UGT1A8: variants seen among roughly 807,000 people sequenced by gnomAD.
UGT1A8 encodes UDP-glucuronosyltransferase 1A8.
Under a neutral mutation model 45.3 loss-of-function variants are expected in UGT1A8, and 39 were observed. That is an observed-to-expected ratio of 0.86 (90% CI 0.67 to 1.12). The LOEUF (loss-of-function observed/expected upper bound fraction) is 1.12. UGT1A8 is among the 50% of genes most tolerant of loss of function. The probability of loss-of-function intolerance (pLI) is 0.00; values close to 1 mark genes in which losing one functional copy is unlikely to be tolerated. For synonymous variants in UGT1A8, 275 were observed against 249.2 expected (o/e 1.10, Z -0.97); for missense variants, 719 against 664.9 (o/e 1.08, Z -0.90).
intron 1 of UGT1A8, among the ~76,000 whole-genome samples, chr2:233,625,588 A>G (rs1037539598): frequency 3.3e-5 from 5 of 151,896 alleles, no homozygotes; most frequent in African/African-American, 1.2e-4. Flanking sequence ...TGGTACATAT[A>G]CACCATGGAA....
chr2:233,707,323 G>A (rs1469096333), intron 1 of UGT1A8, among the ~76,000 whole-genome samples: 1 of 152,126 alleles, frequency 6.6e-6, no homozygotes, highest in African/African-American at 2.4e-5. Flanking sequence ...AGCTAAACAT[G>A]TGCCATGGTG....
intron 1 of UGT1A8, among the ~76,000 whole-genome samples, chr2:233,667,517 C>T (rs2125496234): frequency 6.6e-6 from 1 of 152,262 alleles, no homozygotes; most frequent in East Asian, 1.9e-4. Flanking sequence ...GCAACAAAAG[C>T]CAAAATTGAC....
At chr2:233,720,463 G>A (rs2076862046) in intron 1 of UGT1A8, among the ~76,000 whole-genome samples, 1 of 152,124 alleles carries the variant, frequency 6.6e-6, no homozygotes, top group African/African-American at 2.4e-5. Flanking sequence ...GCTGGGACCA[G>A]TGATGAATGG....
chr2:233,729,125 A>G lies in UGT1A8; in HGVS notation c.856-37909A>G, dbSNP rs760047362. On this transcript the variant is annotated intron_variant, in intron 1 of 4. Transcript: ENST00000373450. ...AGTCAGCTGTCCGTGTCTTCTGCTG[A>G]GATGGCCACAGGACTCCAGGTTCCC... 5 of 1,613,014 alleles carry G rather than the reference A, an allele frequency of 3.1e-6. No individual in the cohort carries two copies. The African/African-American group carries it at 6.7e-5, about 22-fold the overall frequency.
At chr2:233,631,561 T>C (rs968950052) in intron 1 of UGT1A8, among the ~76,000 whole-genome samples, 1 of 152,198 alleles carries the variant, frequency 6.6e-6, no homozygotes, top group Admixed American at 6.5e-5. Flanking sequence ...CTCATTGTGG[T>C]TTTGATTTGC....
intron 1 of UGT1A8, chr2:233,713,866 T>C (rs1467749451): frequency 2.5e-6 from 4 of 1,613,892 alleles, no homozygotes; most frequent in Non-Finnish European, 3.4e-6. Flanking sequence ...CAGGTCTGTA[T>C]TGGTGCCTTT....
At chr2:233,755,155 T>C (rs921927491) in intron 1 of UGT1A8, 4 of 1,293,388 alleles carry the variant, frequency 3.1e-6, no homozygotes, top group Middle Eastern at 2.2e-4. Flanking sequence ...GCTTCCTCCC[T>C]GTCCTCGGGG....
At chr2:233,724,300 C>T (rs1204740758) in intron 1 of UGT1A8, among the ~76,000 whole-genome samples, 3 of 143,888 alleles carry the variant, frequency 2.1e-5, no homozygotes, top group African/African-American at 5.1e-5. Flanking sequence ...GACCCCCCCA[C>T]CTCCCTCCCG....
chr2:233,740,221 TC>T (rs1691341111), intron 1 of UGT1A8, among the ~76,000 whole-genome samples: 1 of 151,864 alleles, frequency 6.6e-6, no homozygotes, highest in Non-Finnish European at 1.5e-5. Flanking sequence ...CTCAGCTGCG[TC>T]TTTATAGCAG....
At chr2:233,732,949 A>G (rs1182362779) in intron 1 of UGT1A8, among the ~76,000 whole-genome samples, 5 of 152,116 alleles carry the variant, frequency 3.3e-5, no homozygotes, top group African/African-American at 1.2e-4. Flanking sequence ...TGAGCATGGA[A>G]TGTTCTTCCA....
intron 1 of UGT1A8, among the ~76,000 whole-genome samples, chr2:233,706,536 GC>G: frequency 6.6e-6 from 1 of 152,322 alleles, no homozygotes; most frequent in African/African-American, 2.4e-5. Context: ...TAGAAACACA[GC>G]TTTTTTTCTA....
intron 1 of UGT1A8, chr2:233,636,575 T>G (rs1234228886): frequency 6.2e-7 from 1 of 1,614,096 alleles, no homozygotes; most frequent in Non-Finnish European, 8.5e-7. Context: ...TGTCTACTGC[T>G]GACCTGTGGC....
intron 1 of UGT1A8, among the ~76,000 whole-genome samples, chr2:233,726,758 C>T (rs2125721651): frequency 6.6e-6 from 1 of 152,360 alleles, no homozygotes; most frequent in East Asian, 1.9e-4. Context: ...CTGCCTACCA[C>T]AGACACTAAG....
At chr2:233,704,946 G>C (rs141742828) in intron 1 of UGT1A8, among the ~76,000 whole-genome samples, 231 of 152,194 alleles carry the variant, frequency 1.5e-3, no homozygotes, top group African/African-American at 5.5e-3. Flanking sequence ...GACCAGCCTG[G>C]CCAACATGGT....
rs1302197781 is a variant in UGT1A8, at chr2:233,744,044, A to G, written c.856-22990A>G. ...GAGACGCCCCTTATGACGCAGCCAC[A>G]TCTCATTGGTCGAGGCCTATGAGCG... is the stretch of plus-strand genomic sequence containing the variant. On this transcript the variant is annotated intron_variant, in intron 1 of 4. Coordinates refer to ENST00000373450, the MANE Select transcript of UGT1A8 (RefSeq NM_019076.5). 3 of 731,946 alleles carry G rather than the reference A, an allele frequency of 4.1e-6. No homozygotes were observed. In the Admixed American group the frequency reaches 1.1e-4, roughly 26 times the overall value. The allele number at this position is 731,946 out of a possible 1,614,324, so 45.3% of individuals were successfully genotyped here. A position where few individuals can be genotyped will look rare whatever the true frequency, so the allele number is the denominator to read the frequency against.
chr2:233,652,774 A>T (rs570538029), intron 1 of UGT1A8, among the ~76,000 whole-genome samples: 3 of 152,342 alleles, frequency 2.0e-5, no homozygotes, highest in East Asian at 3.9e-4. Flanking sequence ...CCACATGCAA[A>T]AGAATGAAGA....
intron 1 of UGT1A8, among the ~76,000 whole-genome samples, chr2:233,653,409 G>A (rs1305797613): frequency 6.6e-6 from 1 of 152,022 alleles, no homozygotes; most frequent in Admixed American, 6.5e-5. Flanking sequence ...TAAAGTAATA[G>A]GTTAAAAAAG....
chr2:233,710,135 T>C (rs560967814), intron 1 of UGT1A8, among the ~76,000 whole-genome samples: 1 of 152,360 alleles, frequency 6.6e-6, no homozygotes, highest in African/African-American at 2.4e-5. Context: ...AGCATTTCAT[T>C]GTATAGATAT....
intron 1 of UGT1A8, among the ~76,000 whole-genome samples, chr2:233,629,028 A>T (rs983901922): frequency 6.6e-6 from 1 of 152,104 alleles, no homozygotes; most frequent in Non-Finnish European, 1.5e-5. Flanking sequence ...GTACGTTCAC[A>T]TTGCTGTGCA....
Sources: allele counts gnomAD v4.1 joint callset (sites outside exome capture counted in the v4.1 genomes callset), GRCh38; gene constraint gnomAD v4.1.1; transcripts MANE v1.5; gene names NCBI Gene and HGNC (gene_info 2026-07-23, HGNC 2026-07-21).